Variants in LPP observed in about 807,000 individuals in gnomAD.
LPP encodes the protein lipoma-preferred partner.
LPP carries 38 observed loss-of-function variants against 60.4 expected under a neutral mutation model. The observed-to-expected ratio is 0.63, with a 90% confidence interval of 0.49 to 0.83. The LOEUF (loss-of-function observed/expected upper bound fraction) is 0.83. Among genes scored for constraint, LPP ranks in the 40% least tolerant of loss-of-function variants. The probability of loss-of-function intolerance (pLI) is 0.00; values close to 1 mark genes in which losing one functional copy is unlikely to be tolerated. For missense variants in LPP, 902 were observed against 783.6 expected (o/e 1.15, Z -1.80); for synonymous variants, 328 against 290.8 (o/e 1.13, Z -1.30).
intron 1 of LPP, among the ~76,000 whole-genome samples, chr3:188,188,015 T>TTTAAATTTTTACTATTTTTAA (rs1206938406): frequency 1.3e-5 from 2 of 152,236 alleles, no homozygotes; most frequent in African/African-American, 4.8e-5. Context: ...TTTTAAAATT[T>TTTAAATTTTTACTATTTTTAA]AGCCATTTAC....
chr3:188,519,208 G>A (rs1335334909), intron 5 of LPP, among the ~76,000 whole-genome samples: 1 of 152,006 alleles, frequency 6.6e-6, no homozygotes, highest in African/African-American at 2.4e-5. Context: ...TACCTTAATC[G>A]AGTCATCAAA....
At chr3:188,327,710 G>A (rs1451190440) in intron 2 of LPP, among the ~76,000 whole-genome samples, 1 of 152,130 alleles carries the variant, frequency 6.6e-6, no homozygotes. Context: ...AGATAGACAG[G>A]TAGCAGCGTC....
At chr3:188,216,581 C>A (rs1042370953) in intron 1 of LPP, among the ~76,000 whole-genome samples, 1 of 152,152 alleles carries the variant, frequency 6.6e-6, no homozygotes, top group Non-Finnish European at 1.5e-5. Flanking sequence ...TAACTCTGCT[C>A]ATAATGCAAT....
intron 9 of LPP, among the ~76,000 whole-genome samples, chr3:188,770,870 G>T (rs1341567740): frequency 6.6e-6 from 1 of 152,146 alleles, no homozygotes; most frequent in Non-Finnish European, 1.5e-5. Flanking sequence ...CTCACACTTA[G>T]AATGAAAACA....
At chr3:188,234,332 T>A (rs1721136114) in intron 2 of LPP, among the ~76,000 whole-genome samples, 1 of 152,176 alleles carries the variant, frequency 6.6e-6, no homozygotes, top group South Asian at 2.1e-4. Flanking sequence ...GGATTTTATT[T>A]CACATGGCCA....
chr3:188,222,904 G>A (rs7618003), intron 1 of LPP, among the ~76,000 whole-genome samples: 2,680 of 152,148 alleles, frequency 0.018, 74 homozygotes, highest in African/African-American at 0.059. Context: ...TTTGAAGAGG[G>A]CTTTATATTT....
chr3:188,692,749 C>A (rs925610709), intron 7 of LPP, among the ~76,000 whole-genome samples: 6 of 152,254 alleles, frequency 3.9e-5, no homozygotes, highest in African/African-American at 1.4e-4. Flanking sequence ...TATTTGCAAT[C>A]ATCTCTTCAG....
intron 7 of LPP, among the ~76,000 whole-genome samples, chr3:188,615,438 T>C (rs182752431): frequency 5.4e-4 from 82 of 152,336 alleles, no homozygotes; most frequent in East Asian, 7.7e-4. Context: ...GTTTTCACTC[T>C]TTTACTGTAC....
chr3:188,298,124 A>AC (rs754997645), intron 2 of LPP, among the ~76,000 whole-genome samples: 1 of 152,128 alleles, frequency 6.6e-6, no homozygotes, highest in Non-Finnish European at 1.5e-5. Context: ...TCCTTTGCAA[A>AC]CCTATCTCTC....
chr3:188,407,795 T>G (rs868751792), intron 4 of LPP, among the ~76,000 whole-genome samples: 2,425 of 137,470 alleles, frequency 0.018, 77 homozygotes, highest in Non-Finnish European at 0.029. Flanking sequence ...TTTGTTTTTT[T>G]TTTTTTTTTT....
intron 8 of LPP, among the ~76,000 whole-genome samples, chr3:188,728,629 C>T (rs1295465768): frequency 6.6e-6 from 1 of 152,084 alleles, no homozygotes; most frequent in Non-Finnish European, 1.5e-5. Flanking sequence ...GGTTGCATAG[C>T]TTTTTTGTGT....
chr3:188,341,858 C>T (rs553418355), intron 3 of LPP, 139 bp downstream of exon 3: 4 of 188,818 alleles, frequency 2.1e-5, no homozygotes, highest in African/African-American at 9.5e-5. Flanking sequence ...ATGGCCAAGA[C>T]AGTGAGCTGA....
At chr3:188,664,367 A>G (rs1247879323) in intron 7 of LPP, among the ~76,000 whole-genome samples, 1 of 152,214 alleles carries the variant, frequency 6.6e-6, no homozygotes, top group Non-Finnish European at 1.5e-5. Context: ...AAGATATCCC[A>G]TAGCCTTGTT....
chr3:188,462,379 G>A (rs1799159904), intron 4 of LPP, among the ~76,000 whole-genome samples: 1 of 150,862 alleles, frequency 6.6e-6, no homozygotes, highest in African/African-American at 2.4e-5. Context: ...ATATGCTACT[G>A]CCCTTCATGT....
intron 7 of LPP, among the ~76,000 whole-genome samples, chr3:188,653,200 G>GTTGAGCTTATAA (rs1214051526): frequency 1.3e-5 from 2 of 152,186 alleles, no homozygotes; most frequent in African/African-American, 2.4e-5. Flanking sequence ...TATAAGCTCT[G>GTTGAGCTTATAA]GATGTTGAGC....
At chr3:188,854,034 A>G (rs1428497668) in intron 9 of LPP, among the ~76,000 whole-genome samples, 3 of 152,162 alleles carry the variant, frequency 2.0e-5, no homozygotes, top group African/African-American at 7.2e-5. Flanking sequence ...CTTGGAATCC[A>G]GGAAAGTGTT....
chr3:188,505,193 C>G (rs4686967), intron 5 of LPP, among the ~76,000 whole-genome samples: 143,232 of 152,302 alleles, frequency 0.94, 67,474 homozygotes, highest in East Asian at 1. Context: ...GCAGTGCAAT[C>G]GTTGTCTAGG....
At position 188,484,487 on chromosome 3, in the gene LPP, ATG is replaced by A. The variant is rs199874040; in HGVS notation, c.194-101_194-100del. On this transcript the variant is annotated intron_variant, in intron 4 of 11. Transcript: ENST00000617246. ...AATAATTGCTATACAACACAAAATT[ATG>A]TGTCAAAGCCAATTATAAAAAAGTA... The A allele has an allele frequency of 6.6e-4, 486 of 741,658 alleles. 2 individuals are homozygous for A. The African/African-American group carries it at 7.4e-3, about 11-fold the overall frequency. 45.9% of individuals were successfully genotyped at this position (741,658 alleles called of 1,614,324 possible).
intron 6 of LPP, among the ~76,000 whole-genome samples, chr3:188,526,044 G>T (rs1446099103): frequency 6.6e-6 from 1 of 152,180 alleles, no homozygotes; most frequent in Non-Finnish European, 1.5e-5. Flanking sequence ...CAATTCCTCA[G>T]AAGACAGCCA....
Sources: allele counts gnomAD v4.1 joint callset (sites outside exome capture counted in the v4.1 genomes callset), GRCh38; gene constraint gnomAD v4.1.1; transcripts MANE v1.5; gene names NCBI Gene and HGNC (gene_info 2026-07-23, HGNC 2026-07-21).